TBC1D32: variants seen among roughly 807,000 people sequenced by gnomAD.
The protein encoded by TBC1D32 is TBC1 domain family member 32.
A neutral mutation model predicts 170.3 loss-of-function variants in TBC1D32; 151 were observed. The ratio of observed to expected loss-of-function variants is 0.89; its 90% CI spans 0.78 to 1.01. TBC1D32 has a LOEUF of 1.01. Ranked by LOEUF, TBC1D32 falls within the 50% of genes least tolerant of loss-of-function variation. The pLI, the probability that TBC1D32 is intolerant of heterozygous loss-of-function variation, is 0.00. For missense variants in TBC1D32, 1,464 were observed against 1,457.1 expected (o/e 1.00, Z -0.08); for synonymous variants, 498 against 488.0 (o/e 1.02, Z -0.27).
intron 21 of TBC1D32, among the ~76,000 whole-genome samples, chr6:121,205,591 G>GT (rs1163350031): frequency 6.6e-6 from 1 of 152,156 alleles, no homozygotes; most frequent in Non-Finnish European, 1.5e-5. Flanking sequence ...TCAAAATGTT[G>GT]TAACTAGTAA....
chr6:121,315,950 T>G (rs1454036904), intron 3 of TBC1D32, among the ~76,000 whole-genome samples: 1 of 152,102 alleles, frequency 6.6e-6, no homozygotes, highest in Non-Finnish European at 1.5e-5. Flanking sequence ...TTCAACCCAA[T>G]TAGTGCCTTC....
At chr6:121,139,010 A>G (rs573128736) in intron 24 of TBC1D32, among the ~76,000 whole-genome samples, 12 of 151,844 alleles carry the variant, frequency 7.9e-5, no homozygotes, top group Admixed American at 5.2e-4. Flanking sequence ...ACGCCTGGCT[A>G]ATTTTTTTTG....
At chr6:121,280,310 C>T (rs921042789) in intron 14 of TBC1D32, among the ~76,000 whole-genome samples, 2 of 151,680 alleles carry the variant, frequency 1.3e-5, no homozygotes, top group African/African-American at 4.8e-5. Flanking sequence ...TTGCCTATTA[C>T]AGTAGGCTTC....
At chr6:121,101,213 G>A (rs910639050) in intron 30 of TBC1D32, among the ~76,000 whole-genome samples, 4 of 152,070 alleles carry the variant, frequency 2.6e-5, no homozygotes, top group Non-Finnish European at 5.9e-5. Flanking sequence ...TAGAAAAAGA[G>A]GGAATCCTCC....
chr6:121,135,925 C>A (rs1239356797), intron 24 of TBC1D32, among the ~76,000 whole-genome samples: 1 of 152,080 alleles, frequency 6.6e-6, no homozygotes, highest in East Asian at 1.9e-4. Flanking sequence ...TCAAGCTGAT[C>A]CACAAGCAAC....
intron 17 of TBC1D32, among the ~76,000 whole-genome samples, chr6:121,249,688 T>C (rs1163529566): frequency 6.6e-6 from 1 of 151,648 alleles, no homozygotes; most frequent in African/African-American, 2.4e-5. Context: ...AAGCTGGGAA[T>C]CAAATTAAAA....
At chr6:121,318,473 AG>A (rs36001937) in intron 2 of TBC1D32, among the ~76,000 whole-genome samples, 16 of 152,128 alleles carry the variant, frequency 1.1e-4, no homozygotes, top group Non-Finnish European at 2.2e-4. Flanking sequence ...TTTACAAATG[AG>A]GCATATGTGA....
intron 22 of TBC1D32, among the ~76,000 whole-genome samples, chr6:121,161,838 G>C (rs1447620136): frequency 6.6e-6 from 1 of 152,166 alleles, no homozygotes; most frequent in Admixed American, 6.5e-5. Flanking sequence ...AACCATGCCA[G>C]CATCTGTTGT....
intron 22 of TBC1D32, among the ~76,000 whole-genome samples, chr6:121,201,017 A>G (rs1217205335): frequency 6.6e-6 from 1 of 151,338 alleles, no homozygotes; most frequent in Admixed American, 6.6e-5. Context: ...ATGATAAAAG[A>G]TGGGTGAGGG....
intron 21 of TBC1D32, among the ~76,000 whole-genome samples, chr6:121,217,945 T>A (rs1016059940): frequency 6.6e-6 from 1 of 152,176 alleles, no homozygotes; most frequent in Non-Finnish European, 1.5e-5. Context: ...TGGCTAATAG[T>A]ACCATACACT....
chr6:121,170,883 T>C (rs1300415724), intron 22 of TBC1D32, among the ~76,000 whole-genome samples: 1 of 152,126 alleles, frequency 6.6e-6, no homozygotes, highest in Non-Finnish European at 1.5e-5. Flanking sequence ...ATTCAGCAGT[T>C]AATTACCAAA....
intron 15 of TBC1D32, among the ~76,000 whole-genome samples, chr6:121,268,907 G>T (rs185936384): frequency 6.6e-6 from 1 of 152,148 alleles, no homozygotes; most frequent in Admixed American, 6.5e-5. Flanking sequence ...GACTAACAGC[G>T]GATCTCTCGG....
chr6:121,212,450 C>CTTTTTT (rs3076854), intron 21 of TBC1D32, among the ~76,000 whole-genome samples: 1 of 102,100 alleles, frequency 9.8e-6, no homozygotes, highest in Non-Finnish European at 2.1e-5. Flanking sequence ...GTCAATATCT[C>CTTTTTT]TTTTTTTTTT....
Position 121,321,653 on chromosome 6 carries a change from T to A in TBC1D32, c.297A>T (p.Lys99Asn). ...GYDTVVQQVT[K>N]RTQESKEYKE... is the part of the protein sequence containing the mutation. ...CTCACTCTTTAGATTCTTGAGTTCTTTTAGTGACCTGCTGTACAACTGTAT... is the reference window on the plus strand; with the variant it reads ...CTCACTCTTTAGATTCTTGAGTTCTATTAGTGACCTGCTGTACAACTGTAT... Residue 99 changes from lysine (K) to asparagine (N), a missense_variant, in exon 2 of 32, where the codon AAA becomes AAT. Physicochemically the swap from Lys to Asn is moderately conservative, Grantham distance 94. Transcript: ENST00000398212. 1.2e-6 allele frequency: 2 copies of A among 1,612,978 alleles called. No homozygotes were observed. The highest frequency in any genetic ancestry group is 1.7e-6 in the Non-Finnish European group (2 of 1,179,646).
At chr6:121,236,091 C>G (rs1273504796) in intron 20 of TBC1D32, among the ~76,000 whole-genome samples, 1 of 150,520 alleles carries the variant, frequency 6.6e-6, no homozygotes, top group Non-Finnish European at 1.5e-5. Context: ...ATTCTTTCCT[C>G]CCCACCTTAT....
At chr6:121,090,142 C>T (rs1467373820) in intron 31 of TBC1D32, among the ~76,000 whole-genome samples, 1 of 152,102 alleles carries the variant, frequency 6.6e-6, no homozygotes, top group Non-Finnish European at 1.5e-5. Flanking sequence ...CCGTGTTAGC[C>T]AGGATGGTCT....
Position 121,185,995 on chromosome 6 carries a change from C to T in TBC1D32, c.2570+19080G>A, listed in dbSNP as rs547360576. 7.2e-5 allele frequency among the ~76,000 whole-genome samples: 11 copies of T among 152,136 alleles called. 1 individual carries two copies. The highest frequency in any genetic ancestry group is 2.6e-4 in the African/African-American group (11 of 41,526). On this transcript the variant is annotated intron_variant, in intron 22 of 31. Transcript: ENST00000398212. ...GAAACCAATGTATGATGTTATTTCTCTTATACCTGTAATACATGAGTCTAT... is the reference window on the plus strand; with the variant it reads ...GAAACCAATGTATGATGTTATTTCTTTTATACCTGTAATACATGAGTCTAT...
intron 9 of TBC1D32, among the ~76,000 whole-genome samples, chr6:121,302,662 C>T (rs1464983566): frequency 1.3e-5 from 2 of 151,798 alleles, no homozygotes; most frequent in African/African-American, 4.8e-5. Context: ...TTTATTTAAG[C>T]TTTTACATAT....
At chr6:121,263,945 G>A (rs1583458942) in intron 15 of TBC1D32, among the ~76,000 whole-genome samples, 1 of 152,264 alleles carries the variant, frequency 6.6e-6, no homozygotes, top group East Asian at 1.9e-4. Context: ...GCAGTGTTAG[G>A]AGGGAAATTG....
Sources: allele counts gnomAD v4.1 joint callset (sites outside exome capture counted in the v4.1 genomes callset), GRCh38; gene constraint gnomAD v4.1.1; transcripts MANE v1.5; gene names NCBI Gene and HGNC (gene_info 2026-07-23, HGNC 2026-07-21).